The following VPS13B variants were observed in gnomAD, a reference collection of about 807,000 sequenced individuals.
The protein encoded by VPS13B is vacuolar protein sorting 13 homolog B, also known as intermembrane lipid transfer protein VPS13B.
Under a neutral mutation model 426.4 loss-of-function variants are expected in VPS13B, and 285 were observed. The ratio of observed to expected loss-of-function variants is 0.67; its 90% CI spans 0.61 to 0.74. The LOEUF (loss-of-function observed/expected upper bound fraction) is 0.74, where lower values mean the gene tolerates loss of function less well. Among genes scored for constraint, VPS13B ranks in the 30% least tolerant of loss-of-function variants. The pLI, the probability that VPS13B is intolerant of heterozygous loss-of-function variation, is 0.00. For synonymous variants in VPS13B, 1,676 were observed against 1,676.4 expected, an observed-to-expected ratio of 1.00 and a Z score of 0.01; for missense variants, 4,537 against 4,782.6, an observed-to-expected ratio of 0.95 and a Z score of 1.51.
chr8:99,327,500 G>A (rs2133145673), intron 19 of VPS13B, among the ~76,000 whole-genome samples: 1 of 152,242 alleles, frequency 6.6e-6, no homozygotes, highest in South Asian at 2.1e-4. Context: ...GAGACAGATA[G>A]AGCAGTCAAC....
rs148773425 is a variant in VPS13B at position 99,575,694 on chromosome 8, C to T, written c.4986C>T (p.Thr1662=). 494 of 1,613,382 alleles carry T rather than the reference C, an allele frequency of 3.1e-4. No homozygotes were observed. Among genetic ancestry groups the T allele is most frequent in the Non-Finnish European group, 4.1e-4 (482 of 1,179,786 alleles). The change falls in exon 32 of 62, where the codon ACC becomes ACT. Residue 1662 remains threonine, a synonymous_variant. Coordinates refer to ENST00000357162, the MANE Select transcript of VPS13B (RefSeq NM_152564.5). ...ATCAAGAAAGGAGAGCAATTTTGAC[C>T]CCCGTTTTGACAGATTTTTCTGTCC... The part of the protein sequence containing the change: ...RRHQERRAIL[T]PVLTDFSVRI...
At chr8:99,647,097 G>T (rs555582699) in intron 34 of VPS13B, among the ~76,000 whole-genome samples, 1 of 151,626 alleles carries the variant, frequency 6.6e-6, no homozygotes, top group East Asian at 1.9e-4. Flanking sequence ...GGCTTTCTGG[G>T]TTGTTTTGTT....
intron 33 of VPS13B, among the ~76,000 whole-genome samples, chr8:99,628,679 G>A (rs1405503716): frequency 6.6e-6 from 1 of 151,918 alleles, no homozygotes; most frequent in Admixed American, 6.6e-5. Flanking sequence ...AAGAAATAAG[G>A]TTCCGAGACA....
At chr8:99,305,511 C>T (rs1003250173) in intron 19 of VPS13B, among the ~76,000 whole-genome samples, 1 of 151,970 alleles carries the variant, frequency 6.6e-6, no homozygotes. Flanking sequence ...TAGACCCAAT[C>T]CCCCAGATAC....
chr8:99,518,427 T>C (rs967050099), intron 29 of VPS13B, among the ~76,000 whole-genome samples: 5 of 152,196 alleles, frequency 3.3e-5, no homozygotes, highest in Non-Finnish European at 5.9e-5. Flanking sequence ...TCTAAGTCAT[T>C]TGAAAATAGT....
chr8:99,634,795 G>T (rs1385119446), intron 33 of VPS13B, among the ~76,000 whole-genome samples: 1 of 151,716 alleles, frequency 6.6e-6, no homozygotes, highest in Non-Finnish European at 1.5e-5. Context: ...AATTCTTTTT[G>T]ATGTGTTTTT....
intron 39 of VPS13B, among the ~76,000 whole-genome samples, chr8:99,739,324 G>A (rs1324054762): frequency 6.6e-6 from 1 of 152,244 alleles, no homozygotes; most frequent in African/African-American, 2.4e-5. Flanking sequence ...AAAGTGGCCT[G>A]GAAGCTCGAA....
At chr8:99,292,752 TA>T (rs1819802862) in intron 19 of VPS13B, among the ~76,000 whole-genome samples, 1 of 152,110 alleles carries the variant, frequency 6.6e-6, no homozygotes, top group Non-Finnish European at 1.5e-5. Context: ...GCACACAATA[TA>T]CCCCATATAT....
At chr8:99,420,140 G>A (rs1816289224) in intron 21 of VPS13B, among the ~76,000 whole-genome samples, 1 of 152,104 alleles carries the variant, frequency 6.6e-6, no homozygotes, top group African/African-American at 2.4e-5. Context: ...AACAGAAAGG[G>A]CTTAATTCTA....
At chr8:99,367,081 T>A (rs932040294) in intron 19 of VPS13B, among the ~76,000 whole-genome samples, 2 of 152,234 alleles carry the variant, frequency 1.3e-5, no homozygotes, top group African/African-American at 4.8e-5. Flanking sequence ...TCTGTGTGCT[T>A]ACTATTACCA....
At chr8:99,071,128 C>T (rs1167490701) in intron 3 of VPS13B, among the ~76,000 whole-genome samples, 1 of 152,068 alleles carries the variant, frequency 6.6e-6, no homozygotes, top group Non-Finnish European at 1.5e-5. Flanking sequence ...TCATGTTTTG[C>T]TGTATGGCCT....
Position 99,134,719 on chromosome 8 carries a change from A to G in VPS13B, c.1294A>G (p.Thr432Ala), listed in dbSNP as rs1809982356. ...ATTGTGTTGGGAACAAGAAGGAACTACAGTTGAGGTAATCTTTCAATATTG... is the reference window on the plus strand; with the variant it reads ...ATTGTGTTGGGAACAAGAAGGAACTGCAGTTGAGGTAATCTTTCAATATTG... ...EVLCWEQEGT[T>A]VEALMMGEPF... The change falls in exon 9 of 62, where the codon ACA becomes GCA. Residue 432 changes from threonine (T) to alanine (A), a missense_variant. Coordinates refer to ENST00000357162, the MANE Select transcript of VPS13B (RefSeq NM_152564.5). 1.2e-6 allele frequency: 2 copies of G among 1,606,000 alleles called. No individual in the cohort carries two copies. The highest frequency in any genetic ancestry group is 1.7e-6 in the Non-Finnish European group (2 of 1,174,424).
intron 24 of VPS13B, among the ~76,000 whole-genome samples, chr8:99,481,212 A>G (rs1297386073): frequency 3.3e-5 from 5 of 152,230 alleles, no homozygotes. Flanking sequence ...AGATGTGGAA[A>G]TTAAGATGGT....
chr8:99,460,426 C>T (rs1818762239), intron 23 of VPS13B, among the ~76,000 whole-genome samples: 1 of 152,074 alleles, frequency 6.6e-6, no homozygotes. Flanking sequence ...CCCAATGTTA[C>T]AGTTACAGTG....
intron 30 of VPS13B, among the ~76,000 whole-genome samples, chr8:99,535,847 A>G (rs1218266452): frequency 2.0e-5 from 3 of 152,194 alleles, no homozygotes; most frequent in Non-Finnish European, 2.9e-5. Flanking sequence ...TACATTGTGA[A>G]AACTTTTATC....
At chr8:99,593,747 G>A (rs551902922) in intron 33 of VPS13B, among the ~76,000 whole-genome samples, 22 of 152,120 alleles carry the variant, frequency 1.4e-4, no homozygotes, top group Non-Finnish European at 1.5e-5. Context: ...ACAAGATCGT[G>A]TACTGTGCAG....
intron 19 of VPS13B, among the ~76,000 whole-genome samples, chr8:99,363,561 A>G (rs1211175865): frequency 2.0e-5 from 3 of 152,208 alleles, no homozygotes; most frequent in Non-Finnish European, 4.4e-5. Context: ...TGCTCTGGGT[A>G]GTATGGACGT....
chr8:99,189,435 T>C (rs1451523679), intron 16 of VPS13B, among the ~76,000 whole-genome samples: 1 of 152,210 alleles, frequency 6.6e-6, no homozygotes, highest in East Asian at 1.9e-4. Flanking sequence ...TCCTTATCAT[T>C]TTTGGAGTTC....
intron 33 of VPS13B, among the ~76,000 whole-genome samples, chr8:99,618,928 C>T (rs375555207): frequency 2.0e-5 from 3 of 152,140 alleles, no homozygotes; most frequent in African/African-American, 4.8e-5. Context: ...TGATCTCAGT[C>T]GAATACAGCT....
Sources: gnomAD v4.1 joint callset for allele counts (sites outside exome capture counted in the v4.1 genomes callset) on GRCh38, gnomAD v4.1.1 for gene constraint, MANE v1.5 for transcripts, NCBI Gene and HGNC (gene_info 2026-07-23, HGNC 2026-07-21) for gene names.